Variants in RHCG observed in about 807,000 individuals in gnomAD.
RHCG encodes ammonium transporter Rh type C.
In RHCG, 39 loss-of-function variants were observed where a neutral mutation model predicts 55.3. The observed-to-expected ratio is 0.70, with a 90% CI of 0.55 to 0.92. The LOEUF (loss-of-function observed/expected upper bound fraction) is 0.92. RHCG is among the 40% of genes least tolerant of loss of function. RHCG has a pLI of 0.00. For missense variants in RHCG, 635 were observed against 627.9 expected, an observed-to-expected ratio of 1.01 and a Z score of -0.12; for synonymous variants, 250 against 246.8, an observed-to-expected ratio of 1.01 and a Z score of -0.12.
In RHCG at chr15:89,496,442, C is replaced by G. The variant is rs1961568846; in HGVS notation, c.103G>C (p.Glu35Gln). Residue 35 changes from glutamate to glutamine, a missense_variant, in exon 1 of 11, where the codon GAG becomes CAG. Transcript: ENST00000268122. ...LFGVFVRYDF[E>Q]ADAHWWSERT... Reference sequence around the variant, plus strand: ...TCTGACCACCAGTGGGCGTCGGCCTCGAAGTCGTAGCGCACGAACACCCCG... The same window carrying G: ...TCTGACCACCAGTGGGCGTCGGCCTGGAAGTCGTAGCGCACGAACACCCCG... 8.1e-6 allele frequency: 13 copies of G among 1,614,044 alleles called. No homozygotes were observed. The highest frequency in any genetic ancestry group is 1.0e-5 in the Non-Finnish European group (12 of 1,179,960).
At chr15:89,483,029 AC>A (rs1567226683) in intron 3 of RHCG, 37 bp downstream of exon 3, 2 of 1,518,622 alleles carry the variant, frequency 1.3e-6, no homozygotes, top group Non-Finnish European at 1.8e-6. Flanking sequence ...CCCCCAAAGC[AC>A]CCCCACCACC....
intron 1 of RHCG, among the ~76,000 whole-genome samples, chr15:89,495,072 A>T (rs1596410667): frequency 1.3e-5 from 2 of 152,188 alleles, no homozygotes; most frequent in East Asian, 1.9e-4. Context: ...GATATCTTTT[A>T]AAAAACAGCC....
intron 1 of RHCG, among the ~76,000 whole-genome samples, chr15:89,490,787 G>A (rs1013744955): frequency 5.3e-5 from 8 of 151,968 alleles, no homozygotes; most frequent in Non-Finnish European, 1.0e-4. Flanking sequence ...TGACCAGGGG[G>A]GTGAGGGCTG....
At chr15:89,479,748 CA>C in intron 4 of RHCG, 1 of 503,826 alleles carries the variant, frequency 2.0e-6, no homozygotes. Context: ...CCTGTTCCCA[CA>C]GCGCCAGGAG....
In RHCG at chr15:89,496,454, G is replaced by C; in HGVS notation, c.91C>G (p.Arg31Gly). 1 of 1,614,012 alleles carries C rather than the reference G, an allele frequency of 6.2e-7. No homozygotes were observed. The highest frequency in any genetic ancestry group is 8.5e-7 in the Non-Finnish European group (1 of 1,179,964). ...TGGGCGTCGGCCTCGAAGTCGTAGC[G>C]CACGAACACCCCGAAGAGAATCACC... ...IMVILFGVFV[R>G]YDFEADAHWW... is the part of the protein sequence containing the mutation. Residue 31 changes from arginine (R) to glycine (G), a missense_variant, in exon 1 of 11, where the codon CGC becomes GGC. Arg to Gly is a moderately radical substitution (Grantham distance 125). Coordinates refer to ENST00000268122, the MANE Select transcript of RHCG (RefSeq NM_016321.3).
chr15:89,486,786 G>C lies in RHCG; in HGVS notation c.371+13C>G. On this transcript the variant is annotated intron_variant, in intron 2 of 10. Transcript: ENST00000268122. The stretch of plus-strand genomic sequence containing the variant: ...CCAGTCCGCCACGCCCCCGGGGCCC[G>C]CCCTGCGCTCACTTCTCCACGCCCA... The C allele has an allele frequency of 2.5e-6, 4 of 1,576,446 alleles. No individual in the cohort carries two copies. Among genetic ancestry groups the C allele is most frequent in the Non-Finnish European group, 3.5e-6 (4 of 1,155,346 alleles).
chr15:89,487,724 C>T (rs781730196), intron 1 of RHCG, among the ~76,000 whole-genome samples: 2 of 152,220 alleles, frequency 1.3e-5, no homozygotes, highest in Non-Finnish European at 2.9e-5. Context: ...GCAATGCTTA[C>T]ATCACAGATG....
chr15:89,492,128 G>A (rs911547146), intron 1 of RHCG, among the ~76,000 whole-genome samples: 2 of 152,132 alleles, frequency 1.3e-5, no homozygotes, highest in African/African-American at 4.8e-5. Context: ...GACTCCAGCT[G>A]TCCTGCCCAG....
intron 3 of RHCG, among the ~76,000 whole-genome samples, 172 bp from the exon 4 acceptor site, chr15:89,480,580 G>C (rs564957704): frequency 6.6e-6 from 1 of 152,336 alleles, no homozygotes; most frequent in South Asian, 2.1e-4. Context: ...ATGGGGAGAA[G>C]GTAGGGATTC....
At chr15:89,496,274 C>G in intron 1 of RHCG, 87 bp downstream of exon 1, 1 of 1,396,880 alleles carries the variant, frequency 7.2e-7, no homozygotes, top group Admixed American at 1.7e-5. Flanking sequence ...TAGATCCCCT[C>G]CTCTGCCCAG....
At chr15:89,473,262 G>C (rs1286146849) in intron 9 of RHCG, among the ~76,000 whole-genome samples, 2 of 152,198 alleles carry the variant, frequency 1.3e-5, no homozygotes, top group Non-Finnish European at 2.9e-5. Flanking sequence ...GTAAAAGGTA[G>C]TATGGCAAGC....
rs142644817 is a variant in RHCG, at chr15:89,483,103, G to T, written c.486C>A (p.Phe162Leu). 6.2e-7 allele frequency: 1 copy of T among 1,606,118 alleles called. No homozygotes were observed. Among genetic ancestry groups the T allele is most frequent in the South Asian group, 1.1e-5 (1 of 90,760 alleles). Reference sequence around the variant, plus strand: ...TAAGGAGAATGAACTCATTCACAGCGAAGAGGGTCACTTGGAAGAAAGTCA... The same window carrying T: ...TAAGGAGAATGAACTCATTCACAGCTAAGAGGGTCACTTGGAAGAAAGTCA... ...LIMTFFQVTL[F>L]AVNEFILLNL... Residue 162 changes from phenylalanine (F) to leucine (L), a missense_variant, in exon 3 of 11, where the codon TTC becomes TTA. Physicochemically the swap from Phe to Leu is conservative, Grantham distance 22. Transcript: ENST00000268122.
chr15:89,481,640 G>A (rs1290396848), intron 3 of RHCG, among the ~76,000 whole-genome samples: 1 of 152,136 alleles, frequency 6.6e-6, no homozygotes, highest in East Asian at 1.9e-4. Flanking sequence ...AATAAGATGG[G>A]GAGAGAGTAG....
Position 89,479,471 on chromosome 15 carries a change from TC to T in RHCG, c.687del (p.Trp229Ter). 1 of 1,612,932 alleles carries T rather than the reference TC, an allele frequency of 6.2e-7. No homozygotes were observed. The highest frequency in any genetic ancestry group is 8.5e-7 in the Non-Finnish European group (1 of 1,179,556). ...GCTGAGTTGAAGCTGGGCCAGTACA[TC>T]CACAGGAAGAGGGTGCCTGGTCAGA... ...LFAMIGTLFL[W>X]MYWPSFNSAI... is the part of the protein sequence containing the mutation. On this transcript the variant is annotated frameshift_variant, in exon 5 of 11. Transcript: ENST00000268122. LOFTEE classifies it high-confidence loss of function.
Position 89,477,109 on chromosome 15 carries a change from T to C in RHCG, c.1210A>G (p.Met404Val). ...QIYGLLVTLA[M>V]ALMGGIIVGL... ...ACAATGATGCCACCCATCAGGGCCA[T>C]GGCCAGGGTCACCAAGAGACCATAA... is the stretch of plus-strand genomic sequence containing the variant. The change falls in exon 8 of 11, where the codon ATG (methionine) becomes GTG (valine). Residue 404 changes from methionine (M) to valine (V), a missense_variant. By Grantham distance (21) the Met-to-Val change is conservative. Coordinates refer to ENST00000268122, the MANE Select transcript of RHCG (RefSeq NM_016321.3). The surrounding 1 kb of genome is among the most constrained non-coding windows in gnomAD (Gnocchi z 4.5). 1 of 1,614,086 alleles carries C rather than the reference T, an allele frequency of 6.2e-7. No homozygotes were observed. Among genetic ancestry groups the C allele is most frequent in the Non-Finnish European group, 8.5e-7 (1 of 1,180,004 alleles).
intron 9 of RHCG, among the ~76,000 whole-genome samples, chr15:89,473,890 C>G (rs1056349754): frequency 1.3e-5 from 2 of 152,162 alleles, no homozygotes; most frequent in Admixed American, 1.3e-4. Flanking sequence ...AAAACAGAAC[C>G]AAGAGGGAAC....
intron 9 of RHCG, among the ~76,000 whole-genome samples, chr15:89,473,087 A>G (rs1961070506): frequency 6.6e-6 from 1 of 152,192 alleles, no homozygotes; most frequent in African/African-American, 2.4e-5. Flanking sequence ...AGGAGGAGAC[A>G]GTGTCCTTGC....
Position 89,486,591 on chromosome 15 carries a change from AGAGAGAGAGTGTGTGT to A in RHCG, c.371+192_371+207del, listed in dbSNP as rs1961367676. The A allele has an allele frequency of 2.3e-5, 11 of 471,606 alleles. No individual in the cohort carries two copies. In the African/African-American group the frequency reaches 2.8e-4, roughly 12 times the overall value. 29.2% of individuals were successfully genotyped at this position (471,606 alleles called of 1,614,324 possible). A position where few individuals can be genotyped will look rare whatever the true frequency, so the allele number is the denominator to read the frequency against. On this transcript the variant is annotated intron_variant, in intron 2 of 10. Transcript: ENST00000268122. ...GAGAGAGAGAGAGAGAGAGAGAGAG[AGAGAGAGAGTGTGTGT>A]GTGTGTGTGTGTGTGTGTGTGTGTG... is the stretch of plus-strand genomic sequence containing the variant.
At chr15:89,489,219 C>T (rs1305835300) in intron 1 of RHCG, among the ~76,000 whole-genome samples, 2 of 152,068 alleles carry the variant, frequency 1.3e-5, no homozygotes, top group Non-Finnish European at 2.9e-5. Flanking sequence ...GGGGTTCAAA[C>T]GATCCTCCCA....
Sources: gnomAD v4.1 joint callset for allele counts (sites outside exome capture counted in the v4.1 genomes callset) on GRCh38, gnomAD v4.1.1 for gene constraint, Gnocchi (gnomAD v3.1) non-coding constraint, MANE v1.5 for transcripts, NCBI Gene and HGNC (gene_info 2026-07-23, HGNC 2026-07-21) for gene names.